MAPKAPK5: variants seen among roughly 807,000 people sequenced by gnomAD.
MAPKAPK5 encodes the protein MAPK activated protein kinase 5, also known as MAP kinase-activated protein kinase 5.
In MAPKAPK5, 30 loss-of-function variants were observed where a neutral mutation model predicts 65.1. The ratio of observed to expected loss-of-function variants is 0.46; its 90% confidence interval spans 0.34 to 0.63. The LOEUF is 0.63. Ranked by LOEUF, MAPKAPK5 falls within the 20% of genes least tolerant of loss-of-function variation. MAPKAPK5 has a pLI of 0.01. For missense variants in MAPKAPK5, 433 were observed against 581.4 expected (o/e 0.74, Z 2.63); for synonymous variants, 179 against 204.6 (o/e 0.87, Z 1.07).
chr12:111,890,186 A>G, intron 13 of MAPKAPK5, 42 bp downstream of exon 13: 1 of 1,381,068 alleles, frequency 7.2e-7, no homozygotes, highest in Non-Finnish European at 1.0e-6. Context: ...AATGCAGACA[A>G]GTGATTATGT....
chr12:111,861,629 A>G (rs1238663049), intron 1 of MAPKAPK5, among the ~76,000 whole-genome samples: 1 of 152,158 alleles, frequency 6.6e-6, no homozygotes, highest in Non-Finnish European at 1.5e-5. Flanking sequence ...CCCGGCCTGC[A>G]TCAGGTAGCT....
chr12:111,864,480 G>GTGAGCCCGGCCGAGACCCTGTCTCTTATA (rs2069540905), intron 1 of MAPKAPK5, among the ~76,000 whole-genome samples: 2 of 152,308 alleles, frequency 1.3e-5, no homozygotes, highest in Non-Finnish European at 2.9e-5. Context: ...GATTACAGGT[G>GTGAGCCCGGCCGAGACCCTGTCTCTTATA]TGAGCCCGGC....
chr12:111,890,937 C>T (rs1034349178), intron 13 of MAPKAPK5, among the ~76,000 whole-genome samples: 4 of 151,738 alleles, frequency 2.6e-5, no homozygotes, highest in Non-Finnish European at 4.4e-5. Context: ...GGATTACAGG[C>T]GTGAGCCTCT....
intron 10 of MAPKAPK5, chr12:111,887,832 CACA>C: frequency 6.6e-6 from 1 of 151,840 alleles, no homozygotes; most frequent in Admixed American, 6.6e-5. Context: ...CACACACACA[CACA>C]CACACACACA....
At chr12:111,877,922 G>A (rs994570670) in intron 7 of MAPKAPK5, among the ~76,000 whole-genome samples, 2 of 151,746 alleles carry the variant, frequency 1.3e-5, no homozygotes, top group African/African-American at 4.8e-5. Context: ...GAACTTCTGG[G>A]CTCAAGTGAT....
intron 1 of MAPKAPK5, among the ~76,000 whole-genome samples, chr12:111,855,841 GTT>G (rs2069218174): frequency 6.7e-6 from 1 of 148,790 alleles, no homozygotes; most frequent in Non-Finnish European, 1.5e-5. Context: ...AAAAAAATGC[GTT>G]GTTTAATTTC....
At chr12:111,886,325 C>T (rs891847654) in intron 10 of MAPKAPK5, among the ~76,000 whole-genome samples, 1 of 152,140 alleles carries the variant, frequency 6.6e-6, no homozygotes, top group African/African-American at 2.4e-5. Flanking sequence ...TCCCTTTCCC[C>T]AAGGGGTTTA....
Position 111,890,074 on chromosome 12 carries a change from G to T in MAPKAPK5, c.1251G>T (p.Met417Ile), listed in dbSNP as rs1313740058. ...ENEDEKLNEV[M>I]QEAWKYNREC... The stretch of plus-strand genomic sequence containing the variant: ...AAGATGAGAAACTGAATGAAGTAAT[G>T]CAGGAGGCTTGGAAGTATAACCGGG... The change falls in exon 13 of 14, where the codon ATG becomes ATT. Residue 417 changes from methionine to isoleucine, a missense_variant. This residue lies in a region of MAPKAPK5 where 169 missense variants were observed against 215.6 expected (regional missense o/e 0.78). Transcript: ENST00000550735. 5.6e-6 allele frequency: 9 copies of T among 1,598,562 alleles called. No individual in the cohort carries two copies. Among genetic ancestry groups the T allele is most frequent in the Non-Finnish European group, 5.1e-6 (6 of 1,172,760 alleles).
chr12:111,866,224 G>A lies in MAPKAPK5; in HGVS notation c.179G>A (p.Arg60Lys), dbSNP rs754925992. 1 of 1,611,080 alleles carries A rather than the reference G, an allele frequency of 6.2e-7. No individual in the cohort carries two copies. Among genetic ancestry groups the A allele is most frequent in the South Asian group, 1.1e-5 (1 of 90,346 alleles). ...LKILLDRPKA[R>K]NEVRLHMMCA... ...ATTCTTCTTGATCGTCCAAAAGCTA[G>A]AAATGAGGTATGCTTTATTGCCTCG... The change falls in exon 3 of 14, where the codon AGA becomes AAA. Residue 60 changes from arginine (R) to lysine (K), a missense_variant. Coordinates refer to ENST00000550735, the MANE Select transcript of MAPKAPK5 (RefSeq NM_003668.4).
chr12:111,889,780 C>T (rs1383454631), intron 12 of MAPKAPK5: 2 of 365,412 alleles, frequency 5.5e-6, no homozygotes, highest in Admixed American at 3.7e-5. Context: ...GAGTCTGCCA[C>T]AGCCTATTTC....
intron 1 of MAPKAPK5, among the ~76,000 whole-genome samples, chr12:111,862,761 C>T (rs1402633715): frequency 1.3e-5 from 2 of 152,128 alleles, no homozygotes; most frequent in East Asian, 3.8e-4. Flanking sequence ...AGGGGTTGGG[C>T]ATATGAACTC....
chr12:111,842,262 G>T lies in MAPKAPK5; in HGVS notation c.-472G>T. On this transcript the variant is annotated 5_prime_UTR_variant, in exon 1 of 14. Coordinates refer to ENST00000550735, the MANE Select transcript of MAPKAPK5 (RefSeq NM_003668.4). ...ATGTGTGGCGCTGAGGCGGCGGCGG[G>T]AGCAGCGGCGCCGAGCTCTGCTTCG... 6.5e-6 allele frequency: 1 copy of T among 154,304 alleles called. No individual in the cohort carries two copies. Among genetic ancestry groups the T allele is most frequent in the South Asian group, 1.9e-4 (1 of 5,188 alleles). 9.6% of individuals were successfully genotyped at this position (154,304 alleles called of 1,614,324 possible).
intron 7 of MAPKAPK5, among the ~76,000 whole-genome samples, chr12:111,873,742 G>A (rs555534254): frequency 6.6e-6 from 1 of 152,288 alleles, no homozygotes; most frequent in East Asian, 1.9e-4. Context: ...TATAGCAAGA[G>A]CATCTGCATT....
At position 111,901,557 on chromosome 12, in the gene MAPKAPK5, C is replaced by T. The variant is rs1038156756; in HGVS notation, c.*8496C>T. The T allele has an allele frequency of 3.3e-5, 11 of 334,410 alleles. No homozygotes were observed. Among genetic ancestry groups the T allele is most frequent in the East Asian group, 1.7e-4 (2 of 11,716 alleles). The allele number at this position is 334,410 out of a possible 1,614,324, so 20.7% of individuals were successfully genotyped here. ...CTTAAAAAATCACCAGAGGCTGCCC[C>T]GGCAGAAGCTCCTCCAGCAGTGGCT... On this transcript the variant is annotated 3_prime_UTR_variant, in exon 14 of 14. Transcript: ENST00000550735.
At chr12:111,875,389 T>A (rs751130463) in intron 7 of MAPKAPK5, among the ~76,000 whole-genome samples, 28 of 152,098 alleles carry the variant, frequency 1.8e-4, no homozygotes, top group African/African-American at 4.6e-4. Context: ...CCATTTTTTT[T>A]AAAATTTAAA....
intron 8 of MAPKAPK5, among the ~76,000 whole-genome samples, chr12:111,880,902 G>C (rs2070182180): frequency 6.6e-6 from 1 of 152,120 alleles, no homozygotes; most frequent in Non-Finnish European, 1.5e-5. Flanking sequence ...TTGTGTTTTT[G>C]AGGTGGAGGC....
In MAPKAPK5 at chr12:111,842,495, A is replaced by G. The variant is rs910444769; in HGVS notation, c.-239A>G. 5 of 334,850 alleles carry G rather than the reference A, an allele frequency of 1.5e-5. No homozygotes were observed. The highest frequency in any genetic ancestry group is 2.2e-5 in the Non-Finnish European group (4 of 183,496). 20.7% of individuals were successfully genotyped at this position (334,850 alleles called of 1,614,324 possible). Reference sequence around the variant, plus strand: ...AGGAGGCGGCCGCGTGGGGCCCAGCACAAAGACCTGTCCCCAGGGGCCGCC... The same window carrying G: ...AGGAGGCGGCCGCGTGGGGCCCAGCGCAAAGACCTGTCCCCAGGGGCCGCC... On this transcript the variant is annotated 5_prime_UTR_variant, in exon 1 of 14. Transcript: ENST00000550735.
rs1333391788 is a variant in MAPKAPK5 at position 111,899,975 on chromosome 12, C to T, written c.*6914C>T. ...ACAAAAAGTACGTGGAGATGTTTGT[C>T]GTGGTCAACAACCAGCGGTTCCAGA... is the stretch of plus-strand genomic sequence containing the variant. On this transcript the variant is annotated 3_prime_UTR_variant, in exon 14 of 14. Coordinates refer to ENST00000550735, the MANE Select transcript of MAPKAPK5 (RefSeq NM_003668.4). 4 of 455,934 alleles carry T rather than the reference C, an allele frequency of 8.8e-6. No individual in the cohort carries two copies. The highest frequency in any genetic ancestry group is 2.0e-5 in the African/African-American group (1 of 50,060). 28.2% of individuals were successfully genotyped at this position (455,934 alleles called of 1,614,324 possible).
chr12:111,889,880 A>T, intron 12 of MAPKAPK5, 160 bp from the exon 13 acceptor site: 1 of 594,450 alleles, frequency 1.7e-6, no homozygotes, highest in Non-Finnish European at 3.0e-6. Flanking sequence ...GATGCGGTCT[A>T]CATAATGTAG....
Sources: gnomAD v4.1 joint callset for allele counts (sites outside exome capture counted in the v4.1 genomes callset) on GRCh38, gnomAD v4.1.1 for gene constraint, gnomAD v4.1.1 regional missense constraint, MANE v1.5 for transcripts, NCBI Gene and HGNC (gene_info 2026-07-23, HGNC 2026-07-21) for gene names.